The following MOK variants were observed in gnomAD, a reference collection of about 807,000 sequenced individuals.
MOK encodes the protein MAPK/MAK/MRK overlapping kinase.
Under a neutral mutation model 54.2 loss-of-function variants are expected in MOK, and 59 were observed. The ratio of observed to expected loss-of-function variants is 1.09; its 90% CI spans 0.88 to 1.35. MOK has a LOEUF of 1.35. Among genes scored for constraint, MOK ranks in the 40% most tolerant of loss-of-function variants. The pLI, the probability that MOK is intolerant of heterozygous loss-of-function variation, is 0.00. For missense variants in MOK, 517 were observed against 526.2 expected, an observed-to-expected ratio of 0.98 and a Z score of 0.17; for synonymous variants, 210 against 202.7, an observed-to-expected ratio of 1.04 and a Z score of -0.31.
the MOK span, chr14:102,214,650 A>G: frequency 2.0e-6 from 2 of 984,594 alleles, no homozygotes; most frequent in Non-Finnish European, 2.4e-6. Context: ...GACACTGTAT[A>G]AAATTGTATG....
chr14:102,251,809 A>G lies in MOK; in HGVS notation c.363-5T>C, dbSNP rs369395145. On this transcript the variant is annotated splice_polypyrimidine_tract_variant and splice_region_variant and intron_variant, in intron 5 of 11. Coordinates refer to ENST00000361847, the MANE Select transcript of MOK (RefSeq NM_014226.3). ...TCTCTGTGAAATATTCCATTTCTGC[A>G]TTCAGTATAAAGGAAAAATAGAATT... The G allele has an allele frequency of 1.1e-5, 17 of 1,565,466 alleles. No homozygotes were observed. In the African/African-American group the frequency reaches 1.9e-4, roughly 18 times the overall value.
At chr14:102,247,798 A>C (rs185758828) in intron 7 of MOK, among the ~76,000 whole-genome samples, 1 of 152,328 alleles carries the variant, frequency 6.6e-6, no homozygotes, top group African/African-American at 2.4e-5. Context: ...TTTTGTAAAA[A>C]CACTAAAGGA....
chr14:102,297,646 C>T (rs1006202231), intron 1 of MOK, among the ~76,000 whole-genome samples: 3 of 152,218 alleles, frequency 2.0e-5, no homozygotes, highest in East Asian at 1.9e-4. Flanking sequence ...CCTCAGCTTG[C>T]GGGGAGGTGT....
chr14:102,225,966 G>T, downstream of MOK: 1 of 308,864 alleles, frequency 3.2e-6, no homozygotes. Context: ...CGGGGATTAG[G>T]CCCAGAAGAA....
chr14:102,259,965 G>A (rs2067253287), intron 4 of MOK, among the ~76,000 whole-genome samples: 1 of 152,056 alleles, frequency 6.6e-6, no homozygotes, highest in Non-Finnish European at 1.5e-5. Context: ...ATCACCTGAG[G>A]TCGGGAGTTC....
intron 7 of MOK, among the ~76,000 whole-genome samples, chr14:102,246,538 G>T (rs2066105730): frequency 6.6e-6 from 1 of 152,014 alleles, no homozygotes; most frequent in Non-Finnish European, 1.5e-5. Context: ...GCAAGAGACT[G>T]CTGGCTCTGC....
chr14:102,231,697 C>T lies in MOK; in HGVS notation c.981+10G>A, dbSNP rs7152076. 121,888 of 1,606,238 alleles carry T rather than the reference C, an allele frequency of 0.076. 4,974 individuals are homozygous for T. The highest frequency in any genetic ancestry group is 0.11 in the South Asian group (10,411 of 90,738). On this transcript the variant is annotated intron_variant, in intron 10 of 11. Transcript: ENST00000361847. The surrounding 1 kb of genome is among the most constrained non-coding windows in gnomAD (Gnocchi z 4.4). ...GCTAGGCAGTCTCCGGCTCCGATTT[C>T]GCTTAGTACCTGCTTTCTGCCCTCC...
intron 1 of MOK, among the ~76,000 whole-genome samples, chr14:102,288,957 C>T (rs963802103): frequency 6.6e-6 from 1 of 152,112 alleles, no homozygotes; most frequent in Admixed American, 6.6e-5. Context: ...GGCTGGAGAG[C>T]AGTGGTGCAA....
downstream of MOK, chr14:102,225,272 G>GCTGGTCTCAAACTC: frequency 6.2e-6 from 1 of 161,058 alleles, no homozygotes; most frequent in East Asian, 1.8e-4. Context: ...TGTTGCCTAG[G>GCTGGTCTCAAACTC]CTGGTCTCAA....
downstream of MOK, among the ~76,000 whole-genome samples, chr14:102,221,449 G>A (rs1176272863): frequency 1.3e-5 from 2 of 152,218 alleles, no homozygotes; most frequent in Non-Finnish European, 2.9e-5. This position sits in a 1 kb window ranked among gnomAD's most constrained non-coding sequence, Gnocchi z 4.8. Flanking sequence ...AGTGGGGTCA[G>A]GAACCTGCTG....
intron 1 of MOK, among the ~76,000 whole-genome samples, chr14:102,300,195 G>T (rs1168812801): frequency 6.6e-6 from 1 of 151,886 alleles, no homozygotes; most frequent in South Asian, 2.1e-4. Context: ...ATGTTGGCAG[G>T]CACCTGTAAT....
intron 1 of MOK, among the ~76,000 whole-genome samples, chr14:102,288,388 T>C (rs2153179644): frequency 6.6e-6 from 1 of 152,320 alleles, no homozygotes; most frequent in East Asian, 1.9e-4. Flanking sequence ...TGCTACAGCA[T>C]GGATGAGCCT....
downstream of MOK, chr14:102,222,984 C>A: frequency 6.8e-7 from 1 of 1,466,298 alleles, no homozygotes; most frequent in Non-Finnish European, 9.5e-7. The surrounding 1 kb of genome is among the most constrained non-coding windows in gnomAD (Gnocchi z 4.4). Flanking sequence ...CGGCGGACCT[C>A]AGGCGGTGGA....
intron 4 of MOK, among the ~76,000 whole-genome samples, chr14:102,257,587 GA>G (rs1310644356): frequency 6.6e-6 from 1 of 152,232 alleles, no homozygotes; most frequent in Non-Finnish European, 1.5e-5. Context: ...AGCAACTGGA[GA>G]ATTCCTTCTA....
intron 4 of MOK, among the ~76,000 whole-genome samples, chr14:102,252,659 T>C (rs909841883): frequency 4.6e-5 from 7 of 152,222 alleles, no homozygotes; most frequent in African/African-American, 1.7e-4. Context: ...ATCTGAGCTA[T>C]AAGATTTCAT....
chr14:102,294,028 G>T (rs1360232621), intron 1 of MOK, among the ~76,000 whole-genome samples: 1 of 152,132 alleles, frequency 6.6e-6, no homozygotes, highest in Non-Finnish European at 1.5e-5. Flanking sequence ...GGCCAGGTGT[G>T]GTGGCTCATG....
intron 6 of MOK, 108 bp from the exon 7 acceptor site, chr14:102,251,098 G>T (rs1298339546): frequency 8.2e-7 from 1 of 1,214,942 alleles, no homozygotes; most frequent in Non-Finnish European, 1.1e-6. Context: ...AGCATCTAAA[G>T]TAGTCTGTAA....
chr14:102,222,848 A>G (rs1446468811), downstream of MOK: 1 of 1,614,190 alleles, frequency 6.2e-7, no homozygotes, highest in East Asian at 2.2e-5. The surrounding 1 kb of genome is among the most constrained non-coding windows in gnomAD (Gnocchi z 4.4). Flanking sequence ...GTCATCCCCA[A>G]GCCAGGCCAG....
Position 102,272,117 on chromosome 14 carries a change from C to A in MOK, c.123-6205G>T, listed in dbSNP as rs138859079. 3.6e-3 allele frequency among the ~76,000 whole-genome samples: 548 copies of A among 152,204 alleles called. 3 individuals carry two copies. The highest frequency in any genetic ancestry group is 5.4e-3 in the Non-Finnish European group (365 of 68,004). On this transcript the variant is annotated intron_variant, in intron 2 of 11. Coordinates refer to ENST00000361847, the MANE Select transcript of MOK (RefSeq NM_014226.3). ...AACTCCTGGGCTTAAGCCATCCTCC[C>A]ACCTCAGCCTCCCAATGTGCTGGGA...
Sources: gnomAD v4.1 joint callset for allele counts (sites outside exome capture counted in the v4.1 genomes callset) on GRCh38, gnomAD v4.1.1 for gene constraint, Gnocchi (gnomAD v3.1) non-coding constraint, MANE v1.5 for transcripts, NCBI Gene and HGNC (gene_info 2026-07-23, HGNC 2026-07-21) for gene names.